SMOC2: variants seen among roughly 807,000 people sequenced by gnomAD.
SMOC2 encodes the protein SPARC-related modular calcium-binding protein 2.
SMOC2 carries 39 observed loss-of-function variants against 61.4 expected under a neutral mutation model. That is an observed-to-expected ratio of 0.64 (90% CI 0.49 to 0.83). The LOEUF (loss-of-function observed/expected upper bound fraction) is 0.83. SMOC2 is among the 40% of genes least tolerant of loss of function. The pLI, the probability that SMOC2 is intolerant of heterozygous loss-of-function variation, is 0.00. For synonymous variants in SMOC2, 247 were observed against 239.9 expected (o/e 1.03, Z -0.27); for missense variants, 556 against 592.9 (o/e 0.94, Z 0.65).
chr6:168,599,294 A>ACT lies in SMOC2; in HGVS notation c.824+291_824+292insTC, dbSNP rs796389398. ...CACGCTCTCACACACCCACACACAC[A>ACT]CATACCACACACACACCCCCACACT... On this transcript the variant is annotated intron_variant, in intron 8 of 12. Coordinates refer to ENST00000356284, the MANE Select transcript of SMOC2 (RefSeq NM_001166412.2). 8.2e-3 allele frequency among the ~76,000 whole-genome samples: 683 copies of ACT among 83,442 alleles called. 15 individuals are homozygous for ACT. The highest frequency in any genetic ancestry group is 0.027 in the African/African-American group (588 of 21,480). The allele number at this position is 83,442 out of a possible 152,430, so 54.7% of individuals were successfully genotyped here.
At chr6:168,571,672 A>G (rs551559039) in intron 7 of SMOC2, among the ~76,000 whole-genome samples, 15 of 152,154 alleles carry the variant, frequency 9.9e-5, no homozygotes, top group African/African-American at 3.4e-4. Flanking sequence ...TATGGATACA[A>G]TTTTCTGTGC....
At chr6:168,450,146 C>T (rs895728772) in intron 1 of SMOC2, among the ~76,000 whole-genome samples, 42 of 152,342 alleles carry the variant, frequency 2.8e-4, no homozygotes, top group African/African-American at 9.9e-4. Context: ...GATAATATGA[C>T]ATTACGGCCC....
At chr6:168,545,079 G>A (rs115010163) in intron 5 of SMOC2, among the ~76,000 whole-genome samples, 3 of 152,238 alleles carry the variant, frequency 2.0e-5, no homozygotes, top group Non-Finnish European at 2.9e-5. Flanking sequence ...TGTGAGCTGC[G>A]TGAACTGAGT....
In SMOC2 at chr6:168,467,136, AACACACAC is replaced by A. The variant is rs10536582; in HGVS notation, c.84+25721_84+25728del. ...TGTGCTTAACAAATCAGTGCTCTCAAACACACACACACACACACACACACACACACACA... is the reference window on the plus strand; with the variant it reads ...TGTGCTTAACAAATCAGTGCTCTCAAACACACACACACACACACACACACA... On this transcript the variant is annotated intron_variant, in intron 1 of 12. Coordinates refer to ENST00000356284, the MANE Select transcript of SMOC2 (RefSeq NM_001166412.2). 4.5e-3 allele frequency among the ~76,000 whole-genome samples: 596 copies of A among 133,428 alleles called. 1 individual carries two copies. Among genetic ancestry groups the A allele is most frequent in the Middle Eastern group, 0.043 (11 of 254 alleles). The allele number at this position is 133,428 out of a possible 152,430, so 87.5% of individuals were successfully genotyped here.
At chr6:168,599,091 C>G (rs1414399878) in intron 8 of SMOC2, 87 bp downstream of exon 8, 33 of 1,157,640 alleles carry the variant, frequency 2.9e-5, no homozygotes, top group Middle Eastern at 5.8e-4. Flanking sequence ...CTTCCCCCAA[C>G]ACACACCGAC....
intron 6 of SMOC2, among the ~76,000 whole-genome samples, chr6:168,547,429 A>C (rs546704582): frequency 2.6e-5 from 4 of 152,172 alleles, no homozygotes; most frequent in Admixed American, 2.6e-4. Flanking sequence ...AGGATGGAGG[A>C]AACAGAGGGA....
At chr6:168,577,496 A>G (rs1317281992) in intron 7 of SMOC2, among the ~76,000 whole-genome samples, 3 of 152,174 alleles carry the variant, frequency 2.0e-5, no homozygotes, top group Non-Finnish European at 4.4e-5. Context: ...TCCGGTGATC[A>G]GGCTGAAGGT....
At chr6:168,557,165 G>A (rs761525315) in intron 7 of SMOC2, among the ~76,000 whole-genome samples, 6 of 151,802 alleles carry the variant, frequency 4.0e-5, no homozygotes, top group African/African-American at 9.7e-5. Context: ...TAAGTTTTTC[G>A]TGTTTATTCT....
intron 1 of SMOC2, among the ~76,000 whole-genome samples, chr6:168,469,263 T>C (rs1457733796): frequency 2.6e-5 from 4 of 152,174 alleles, no homozygotes; most frequent in African/African-American, 9.7e-5. Flanking sequence ...AGGAAACCTG[T>C]TGGGAAGGAG....
chr6:168,511,352 G>T (rs6908783), intron 2 of SMOC2, among the ~76,000 whole-genome samples: 1 of 151,866 alleles, frequency 6.6e-6, no homozygotes, highest in Admixed American at 6.6e-5. Context: ...GGAAGCAAAC[G>T]CATCCTTCTT....
At chr6:168,562,131 T>C (rs9364465) in intron 7 of SMOC2, among the ~76,000 whole-genome samples, 5 of 4,926 alleles carry the variant, frequency 1.0e-3, no homozygotes, top group Admixed American at 2.6e-3. Context: ...GCTCTCACTG[T>C]GTTCTCGGAG....
chr6:168,504,808 A>G, intron 1 of SMOC2, among the ~76,000 whole-genome samples: 1 of 152,184 alleles, frequency 6.6e-6, no homozygotes. Context: ...GGCTGGTAGA[A>G]TGCCTTTTAC....
At position 168,526,451 on chromosome 6, in the gene SMOC2, A is replaced by C. The variant is rs759970239; in HGVS notation, c.362A>C (p.Gln121Pro). 2 of 1,613,636 alleles carry C rather than the reference A, an allele frequency of 1.2e-6. No individual in the cohort carries two copies. The highest frequency in any genetic ancestry group is 2.7e-5 in the African/African-American group (2 of 74,918). Residue 121 changes from glutamine to proline, a missense_variant and splice_region_variant, in exon 3 of 13, where the codon CAG becomes CCG. Gln to Pro is a moderately conservative substitution (Grantham distance 76). Transcript: ENST00000356284. ...PECNDDGTYS[Q>P]VQCHSYTGYC... ...TGCAATGACGACGGCACCTACAGTC[A>C]GGTTACCGGCCTTGCTTGGGAGGTT...
intron 7 of SMOC2, among the ~76,000 whole-genome samples, chr6:168,558,831 G>T (rs1216899409): frequency 6.6e-6 from 1 of 151,600 alleles, no homozygotes; most frequent in African/African-American, 2.4e-5. Context: ...ATGTGCATGT[G>T]TGTGCACGTG....
chr6:168,627,113 A>G (rs1786433281), intron 9 of SMOC2, among the ~76,000 whole-genome samples: 1 of 152,202 alleles, frequency 6.6e-6, no homozygotes, highest in African/African-American at 2.4e-5. Context: ...ATAGAAAATT[A>G]CCATGAAACA....
chr6:168,455,318 A>T (rs765427030), intron 1 of SMOC2, among the ~76,000 whole-genome samples: 1 of 152,210 alleles, frequency 6.6e-6, no homozygotes, highest in Non-Finnish European at 1.5e-5. Context: ...AATCAACTCA[A>T]CATTTTCCTG....
Position 168,441,388 on chromosome 6 carries a change from C to A in SMOC2, c.18C>A (p.Leu6=). Residue 6 remains leucine, a synonymous_variant, in exon 1 of 13, where the codon CTC becomes CTA. Coordinates refer to ENST00000356284, the MANE Select transcript of SMOC2 (RefSeq NM_001166412.2). MLLPQ[L]CWLPLLAGLL... is the part of the protein sequence containing the mutation. ...CCGCCACCATGCTGCTCCCCCAGCTCTGCTGGCTGCCGCTGCTCGCTGGGC... is the reference window on the plus strand; with the variant it reads ...CCGCCACCATGCTGCTCCCCCAGCTATGCTGGCTGCCGCTGCTCGCTGGGC... 1 of 1,508,526 alleles carries A rather than the reference C, an allele frequency of 6.6e-7. No homozygotes were observed. The allele number at this position is 1,508,526 out of a possible 1,614,324, so 93.4% of individuals were successfully genotyped here. A position where few individuals can be genotyped will look rare whatever the true frequency, so the allele number is the denominator to read the frequency against.
chr6:168,653,762 A>G (rs1787265541), intron 11 of SMOC2, among the ~76,000 whole-genome samples: 1 of 145,726 alleles, frequency 6.9e-6, no homozygotes, highest in Admixed American at 6.7e-5. Flanking sequence ...AATGTTAGGA[A>G]CTCACCAACC....
chr6:168,494,114 A>G (rs1334280362), intron 1 of SMOC2, among the ~76,000 whole-genome samples: 4 of 152,196 alleles, frequency 2.6e-5, no homozygotes, highest in African/African-American at 9.7e-5. Context: ...ATTGGTCTGA[A>G]TCTTGGCAAG....
Sources: allele counts gnomAD v4.1 joint callset (sites outside exome capture counted in the v4.1 genomes callset), GRCh38; gene constraint gnomAD v4.1.1; transcripts MANE v1.5; gene names NCBI Gene and HGNC (gene_info 2026-07-23, HGNC 2026-07-21).